The following PCOLCE2 variants were observed in gnomAD, a reference collection of about 807,000 sequenced individuals.
PCOLCE2 encodes procollagen C-endopeptidase enhancer 2.
A neutral mutation model predicts 47.0 loss-of-function variants in PCOLCE2; 42 were observed. That is an observed-to-expected ratio of 0.89 (90% CI 0.70 to 1.16). The LOEUF (loss-of-function observed/expected upper bound fraction) is 1.16. PCOLCE2 is among the 50% of genes most tolerant of loss of function. The pLI, the probability that PCOLCE2 is intolerant of heterozygous loss-of-function variation, is 0.00. For missense variants in PCOLCE2, 500 were observed against 526.1 expected (o/e 0.95, Z 0.49); for synonymous variants, 169 against 191.7 (o/e 0.88, Z 0.98).
At chr3:142,836,188 C>T (rs964601220) in intron 5 of PCOLCE2, among the ~76,000 whole-genome samples, 1 of 152,184 alleles carries the variant, frequency 6.6e-6, no homozygotes, top group African/African-American at 2.4e-5. Flanking sequence ...AAATTCTCAT[C>T]GGAGACTATC....
chr3:142,828,017 ACTCT>A (rs1171058856), intron 6 of PCOLCE2, among the ~76,000 whole-genome samples: 1 of 151,402 alleles, frequency 6.6e-6, no homozygotes, highest in Admixed American at 6.6e-5. Flanking sequence ...TCATCTCTTG[ACTCT>A]CTCTGAATTT....
intron 1 of PCOLCE2, chr3:142,888,550 G>A (rs2108215523): frequency 2.6e-6 from 1 of 385,520 alleles, no homozygotes; most frequent in Non-Finnish European, 4.6e-6. Context: ...ATTAAGCCCC[G>A]CCACGTGGTG....
Position 142,838,771 on chromosome 3 carries a change from C to G in PCOLCE2, c.709G>C (p.Ala237Pro). ...IGKYCGDSPP[A>P]PIVSERNELL... The stretch of plus-strand genomic sequence containing the variant: ...AAGACATAAATAGGTGCTACTTACG[C>G]AGGTGGACTATCACCACAATACTTT... The change falls in exon 5 of 9, where the codon GCG (alanine) becomes CCG (proline). Residue 237 changes from alanine to proline, a missense_variant and splice_region_variant. Ala to Pro is a conservative substitution (Grantham distance 27). Coordinates refer to ENST00000295992, the MANE Select transcript of PCOLCE2 (RefSeq NM_013363.4). The G allele has an allele frequency of 6.2e-7, 1 of 1,613,474 alleles. No individual in the cohort carries two copies. Among genetic ancestry groups the G allele is most frequent in the South Asian group, 1.1e-5 (1 of 91,014 alleles).
chr3:142,832,363 C>T (rs976193879), intron 5 of PCOLCE2, among the ~76,000 whole-genome samples: 12 of 152,130 alleles, frequency 7.9e-5, no homozygotes, highest in African/African-American at 2.4e-4. Flanking sequence ...CTGCAGCACA[C>T]GGAAGCCAAC....
At chr3:142,826,412 T>A (rs1937078513) in intron 6 of PCOLCE2, among the ~76,000 whole-genome samples, 1 of 152,202 alleles carries the variant, frequency 6.6e-6, no homozygotes, top group Non-Finnish European at 1.5e-5. Context: ...CTTTTCCTCC[T>A]CTGAGAGAGG....
At chr3:142,857,140 C>T (rs571545175) in intron 2 of PCOLCE2, among the ~76,000 whole-genome samples, 90 of 152,288 alleles carry the variant, frequency 5.9e-4, no homozygotes, top group African/African-American at 2.1e-3. Context: ...CCAGCTGGTG[C>T]GAGCCTGGTG....
At chr3:142,863,690 A>T (rs1191957798) in intron 2 of PCOLCE2, among the ~76,000 whole-genome samples, 1 of 152,230 alleles carries the variant, frequency 6.6e-6, no homozygotes, top group East Asian at 1.9e-4. Flanking sequence ...GGTTAGGTGC[A>T]TCAACAGAGG....
chr3:142,842,820 C>T lies in PCOLCE2; in HGVS notation c.573+104G>A. Reference sequence around the variant, plus strand: ...ACCTTCCTCTTCTTGTATCCCTTAGCTCTCGAATAGCCCCCACAACAGGAG... The same window carrying T: ...ACCTTCCTCTTCTTGTATCCCTTAGTTCTCGAATAGCCCCCACAACAGGAG... On this transcript the variant is annotated intron_variant, in intron 4 of 8. Transcript: ENST00000295992. The surrounding 1 kb of genome is among the most constrained non-coding windows in gnomAD (Gnocchi z 4.1). 1 of 1,072,992 alleles carries T rather than the reference C, an allele frequency of 9.3e-7. No individual in the cohort carries two copies. Among genetic ancestry groups the T allele is most frequent in the Non-Finnish European group, 1.4e-6 (1 of 717,256 alleles). 66.5% of individuals were successfully genotyped at this position (1,072,992 alleles called of 1,614,324 possible).
intron 2 of PCOLCE2, chr3:142,863,899 C>A (rs1407035452): frequency 6.6e-6 from 1 of 151,912 alleles, no homozygotes; most frequent in Non-Finnish European, 1.5e-5. Flanking sequence ...CCTCATGATT[C>A]CTGGAGAAGA....
intron 2 of PCOLCE2, among the ~76,000 whole-genome samples, chr3:142,858,411 C>T (rs1034740891): frequency 1.6e-4 from 25 of 152,194 alleles, no homozygotes; most frequent in African/African-American, 5.5e-4. Context: ...TGAATAGTTT[C>T]GGGATTTTCT....
intron 2 of PCOLCE2, among the ~76,000 whole-genome samples, chr3:142,882,055 G>C (rs746925873): frequency 6.6e-6 from 1 of 151,824 alleles, no homozygotes; most frequent in Non-Finnish European, 1.5e-5. Flanking sequence ...CATCAGACAG[G>C]GTCTTGCTCT....
At chr3:142,885,927 T>C (rs917569210) in intron 2 of PCOLCE2, among the ~76,000 whole-genome samples, 1 of 152,216 alleles carries the variant, frequency 6.6e-6, no homozygotes, top group Non-Finnish European at 1.5e-5. Context: ...CTCCTTAATT[T>C]GTTCTTCAGA....
intron 2 of PCOLCE2, among the ~76,000 whole-genome samples, chr3:142,862,685 G>T (rs1418653551): frequency 6.6e-6 from 1 of 152,108 alleles, no homozygotes; most frequent in African/African-American, 2.4e-5. Context: ...ATAAAATAAT[G>T]TATAAGAGTA....
At chr3:142,834,511 A>G (rs562208363) in intron 5 of PCOLCE2, among the ~76,000 whole-genome samples, 2 of 152,134 alleles carry the variant, frequency 1.3e-5, no homozygotes, top group African/African-American at 2.4e-5. Flanking sequence ...TTTAAAATAA[A>G]TTTTTTTCAA....
At chr3:142,829,897 T>A in intron 5 of PCOLCE2, 51 bp from the exon 6 acceptor site, 1 of 1,082,742 alleles carries the variant, frequency 9.2e-7, no homozygotes. Flanking sequence ...GTGGTGCCTC[T>A]CTGAAAATGT....
chr3:142,837,234 C>G (rs1166042872), intron 5 of PCOLCE2, among the ~76,000 whole-genome samples: 3 of 152,224 alleles, frequency 2.0e-5, no homozygotes, highest in Non-Finnish European at 4.4e-5. Flanking sequence ...CCTGCCGACA[C>G]CTTGACTTTA....
intron 2 of PCOLCE2, among the ~76,000 whole-genome samples, chr3:142,874,234 C>T (rs1933451901): frequency 6.6e-6 from 1 of 152,226 alleles, no homozygotes; most frequent in Non-Finnish European, 1.5e-5. Flanking sequence ...CGCCACCACA[C>T]CCAGCTAATT....
intron 7 of PCOLCE2, 91 bp from the exon 8 acceptor site, chr3:142,821,136 T>C (rs1399822738): frequency 3.4e-5 from 34 of 991,126 alleles, no homozygotes; most frequent in Non-Finnish European, 4.7e-5. Context: ...AAGTTTCAGA[T>C]ACGAAACATT....
rs1287166033 is a variant in PCOLCE2, at chr3:142,838,707, A to G, written c.710+63T>C. 3 of 1,424,266 alleles carry G rather than the reference A, an allele frequency of 2.1e-6. No homozygotes were observed. In the Admixed American group the frequency reaches 5.8e-5, roughly 27 times the overall value. 88.2% of individuals were successfully genotyped at this position (1,424,266 alleles called of 1,614,324 possible). ...TTCCAGAAAACAAATGTGATTGGGAAACTGAACAAGAAACAAGTTTAGAGC... is the reference window on the plus strand; with the variant it reads ...TTCCAGAAAACAAATGTGATTGGGAGACTGAACAAGAAACAAGTTTAGAGC... On this transcript the variant is annotated intron_variant, in intron 5 of 8. Coordinates refer to ENST00000295992, the MANE Select transcript of PCOLCE2 (RefSeq NM_013363.4).
Sources: allele counts gnomAD v4.1 joint callset (sites outside exome capture counted in the v4.1 genomes callset), GRCh38; gene constraint gnomAD v4.1.1; non-coding constraint Gnocchi (gnomAD v3.1); transcripts MANE v1.5; gene names NCBI Gene and HGNC (gene_info 2026-07-23, HGNC 2026-07-21).